NANOGNB: variants seen among roughly 807,000 people sequenced by gnomAD.
The protein encoded by NANOGNB is NANOG neighbor homeobox.
In NANOGNB, 30 loss-of-function variants were observed where a neutral mutation model predicts 25.0. That is an observed-to-expected ratio of 1.20 (90% CI 0.90 to 1.63). The LOEUF is 1.63. Among genes scored for constraint, NANOGNB ranks in the 40% most tolerant of loss-of-function variants. The pLI, the probability that NANOGNB is intolerant of heterozygous loss-of-function variation, is 0.00. For synonymous variants in NANOGNB, 84 were observed against 62.1 expected (o/e 1.35, Z -1.66); for missense variants, 200 against 188.1 (o/e 1.06, Z -0.37).
At chr12:7,768,062 T>A (rs1185677590) in intron 1 of NANOGNB, among the ~76,000 whole-genome samples, 1 of 152,174 alleles carries the variant, frequency 6.6e-6, no homozygotes, top group Non-Finnish European at 1.5e-5. Context: ...TGAATCAGTA[T>A]TTTATTTCCT....
At chr12:7,770,788 T>C (rs866883871) in intron 3 of NANOGNB, among the ~76,000 whole-genome samples, 49 of 152,108 alleles carry the variant, frequency 3.2e-4, no homozygotes, top group Non-Finnish European at 8.8e-5. Context: ...AATTTTGTAT[T>C]TTTAGTGGAG....
chr12:7,766,388 C>G (rs2120509545), intron 1 of NANOGNB, among the ~76,000 whole-genome samples: 1 of 152,244 alleles, frequency 6.6e-6, no homozygotes, highest in Admixed American at 6.6e-5. Flanking sequence ...CAAGAGAATC[C>G]TTCGAGCCCA....
intron 3 of NANOGNB, among the ~76,000 whole-genome samples, chr12:7,771,682 G>A (rs922988021): frequency 5.9e-5 from 9 of 151,432 alleles, no homozygotes; most frequent in African/African-American, 1.7e-4. Context: ...GTGCAATGGC[G>A]TGATCTCTGC....
At chr12:7,773,659 A>AG (rs1264983186) in intron 3 of NANOGNB, 141 bp from the exon 4 acceptor site, 1 of 235,020 alleles carries the variant, frequency 4.3e-6, no homozygotes, top group Non-Finnish European at 7.8e-6. Context: ...TGGGAGATGG[A>AG]GGTTGCAGTC....
chr12:7,765,622 A>C (rs1865239479), intron 1 of NANOGNB, among the ~76,000 whole-genome samples: 2 of 150,706 alleles, frequency 1.3e-5, no homozygotes, highest in Non-Finnish European at 3.0e-5. Flanking sequence ...ATTTTAAAGA[A>C]AGAAAAGCAA....
intron 1 of NANOGNB, among the ~76,000 whole-genome samples, chr12:7,766,988 G>A (rs922680404): frequency 6.6e-6 from 1 of 151,666 alleles, no homozygotes; most frequent in African/African-American, 2.4e-5. Flanking sequence ...CTACAGGCGT[G>A]CGCCACCAAG....
At chr12:7,765,507 T>C in intron 1 of NANOGNB, 120 bp downstream of exon 1, 2 of 211,772 alleles carry the variant, frequency 9.4e-6, no homozygotes, top group Non-Finnish European at 1.9e-5. Context: ...GAGGCGGAGC[T>C]TGCAGTGAGC....
At chr12:7,768,524 T>C (rs1321922620) in intron 1 of NANOGNB, among the ~76,000 whole-genome samples, 2 of 144,138 alleles carry the variant, frequency 1.4e-5, no homozygotes, top group Non-Finnish European at 3.1e-5. Flanking sequence ...TCTTTCTTTC[T>C]TTTTTTTTTT....
chr12:7,768,824 G>A (rs749085047), intron 1 of NANOGNB, among the ~76,000 whole-genome samples: 2 of 151,910 alleles, frequency 1.3e-5, no homozygotes, highest in Non-Finnish European at 2.9e-5. Context: ...GAGCCACCGC[G>A]CCCGGCCGGC....
At chr12:7,770,989 CA>C (rs1418497859) in intron 3 of NANOGNB, among the ~76,000 whole-genome samples, 1 of 152,196 alleles carries the variant, frequency 6.6e-6, no homozygotes, top group Non-Finnish European at 1.5e-5. Flanking sequence ...CAAAACACCA[CA>C]CAGGCACACA....
intron 1 of NANOGNB, among the ~76,000 whole-genome samples, chr12:7,766,620 C>T (rs575069112): frequency 2.0e-5 from 3 of 152,174 alleles, no homozygotes; most frequent in Non-Finnish European, 2.9e-5. Flanking sequence ...TGTTCTGTTG[C>T]CCAGGCTGGA....
rs905546336 is a variant in NANOGNB, at chr12:7,765,300, G to T, written c.15G>T (p.Arg5=). The change falls in exon 1 of 4, where the codon CGG becomes CGT. Residue 5 remains arginine (R), a synonymous_variant. Coordinates refer to ENST00000382119, the MANE Select transcript of NANOGNB (RefSeq NM_001145465.1). The part of the protein sequence containing the change: MHRA[R]WLTPVIPALW... ...AAAACTCCTCAATGCACCGGGCGCGGTGGCTCACGCCTGTAATCCCAGCAC... is the reference window on the plus strand; with the variant it reads ...AAAACTCCTCAATGCACCGGGCGCGTTGGCTCACGCCTGTAATCCCAGCAC... The T allele has an allele frequency of 2.4e-6, 3 of 1,264,556 alleles. No homozygotes were observed. In the African/African-American group the frequency reaches 4.6e-5, roughly 19 times the overall value. 78.3% of individuals were successfully genotyped at this position (1,264,556 alleles called of 1,614,324 possible). A position where few individuals can be genotyped will look rare whatever the true frequency, so the allele number is the denominator to read the frequency against.
chr12:7,770,527 G>C lies in NANOGNB; in HGVS notation c.515+9G>C, dbSNP rs1234812991. The C allele has an allele frequency of 1.4e-6, 2 of 1,424,858 alleles. No individual in the cohort carries two copies. Among genetic ancestry groups the C allele is most frequent in the Non-Finnish European group, 1.9e-6 (2 of 1,044,880 alleles). 88.3% of individuals were successfully genotyped at this position (1,424,858 alleles called of 1,614,324 possible). A position where few individuals can be genotyped will look rare whatever the true frequency, so the allele number is the denominator to read the frequency against. ...AAGAAAAAACATATGAGGTAAGAAA[G>C]TGTTTCTTGTAAAATAAAAGGAAGT... On this transcript the variant is annotated intron_variant, in intron 3 of 3. Coordinates refer to ENST00000382119, the MANE Select transcript of NANOGNB (RefSeq NM_001145465.1).
At chr12:7,769,002 G>A (rs1302008019) in intron 1 of NANOGNB, among the ~76,000 whole-genome samples, 3 of 152,072 alleles carry the variant, frequency 2.0e-5, no homozygotes, top group Admixed American at 2.0e-4. Context: ...ATTATAATCT[G>A]AGAAAGCCTA....
Position 7,773,773 on chromosome 12 carries a change from CTTTTTT to C in NANOGNB, c.516-12_516-7del, listed in dbSNP as rs34408824. 1,939 of 518,868 alleles carry C rather than the reference CTTTTTT, an allele frequency of 3.7e-3. 25 individuals carry two copies. The African/African-American group carries it at 0.039, about 10-fold the overall frequency. The allele number at this position is 518,868 out of a possible 1,614,324, so 32.1% of individuals were successfully genotyped here. A position where few individuals can be genotyped will look rare whatever the true frequency, so the allele number is the denominator to read the frequency against. On this transcript the variant is annotated intron_variant, in intron 3 of 3. Coordinates refer to ENST00000382119, the MANE Select transcript of NANOGNB (RefSeq NM_001145465.1). ...AATATATAGACTGTGTTGCGAAACT[CTTTTTT>C]TTTTTTTTTTTTTTAAACAGATGGA... is the stretch of plus-strand genomic sequence containing the variant.
intron 3 of NANOGNB, among the ~76,000 whole-genome samples, chr12:7,772,721 C>T (rs758365718): frequency 1.3e-5 from 2 of 151,734 alleles, no homozygotes; most frequent in South Asian, 4.2e-4. Context: ...GTAGCTGGGA[C>T]TACAGATGTG....
chr12:7,768,784 A>G (rs1458999058), intron 1 of NANOGNB, among the ~76,000 whole-genome samples: 1 of 151,958 alleles, frequency 6.6e-6, no homozygotes, highest in East Asian at 1.9e-4. Context: ...TGCCCGCCTC[A>G]GCCTCCCAAA....
chr12:7,766,663 C>G lies in NANOGNB; in HGVS notation c.102+1276C>G, dbSNP rs150173189. Among the ~76,000 whole-genome samples the G allele has an allele frequency of 5.0e-3, 756 of 151,868 alleles. 3 individuals are homozygous for G. Among genetic ancestry groups the G allele is most frequent in the Middle Eastern group, 6.9e-3 (2 of 288 alleles). On this transcript the variant is annotated intron_variant, in intron 1 of 3. Coordinates refer to ENST00000382119, the MANE Select transcript of NANOGNB (RefSeq NM_001145465.1). ...AATCTCAACTAACTGCGACCTCCCC[C>G]TCCCGGGGTTCAAAAGACATGTCCG...
intron 3 of NANOGNB, among the ~76,000 whole-genome samples, chr12:7,771,378 G>A (rs1337122522): frequency 6.6e-6 from 1 of 151,536 alleles, no homozygotes; most frequent in African/African-American, 2.4e-5. Context: ...CCACCACCAC[G>A]CCCGGCTAAT....
Sources: allele counts gnomAD v4.1 joint callset (sites outside exome capture counted in the v4.1 genomes callset), GRCh38; gene constraint gnomAD v4.1.1; transcripts MANE v1.5; gene names NCBI Gene and HGNC (gene_info 2026-07-23, HGNC 2026-07-21).